The following POLK variants were observed in gnomAD, a reference collection of about 807,000 sequenced individuals.
POLK encodes DNA polymerase kappa.
Under a neutral mutation model 94.0 loss-of-function variants are expected in POLK, and 76 were observed. That is an observed-to-expected ratio of 0.81 (90% CI 0.67 to 0.98). POLK has a LOEUF of 0.98. Ranked by LOEUF, POLK falls within the 50% of genes least tolerant of loss-of-function variation. The pLI is 0.00. For missense variants in POLK, 954 were observed against 1,010.1 expected (o/e 0.94, Z 0.75); for synonymous variants, 349 against 325.4 (o/e 1.07, Z -0.78).
exon 1 of POLK, chr5:75,511,818 C>T (rs916911091): frequency 1.9e-6 from 3 of 1,551,192 alleles, no homozygotes; most frequent in Non-Finnish European, 2.6e-6. Flanking sequence ...AAGGAGAGGG[C>T]GGGGTAGGGA....
intron 2 of POLK, among the ~76,000 whole-genome samples, chr5:75,549,182 A>C (rs1770208392): frequency 6.6e-6 from 1 of 152,156 alleles, no homozygotes; most frequent in Non-Finnish European, 1.5e-5. Context: ...AAAAAGAATA[A>C]AACAAATAAA....
At chr5:75,573,626 GA>G in intron 4 of POLK, 111 bp from the exon 5 acceptor site, 1 of 895,640 alleles carries the variant, frequency 1.1e-6, no homozygotes, top group Non-Finnish European at 1.7e-6. Flanking sequence ...GCCTATAAAT[GA>G]AATGTCCTTG....
chr5:75,589,371 TTATA>T (rs1284873138), intron 10 of POLK, among the ~76,000 whole-genome samples: 37 of 127,838 alleles, frequency 2.9e-4, no homozygotes, highest in African/African-American at 1.1e-3. Context: ...TTTGCTTATT[TTATA>T]TATATACACA....
At chr5:75,550,779 T>G (rs1770298237) in intron 2 of POLK, among the ~76,000 whole-genome samples, 1 of 152,158 alleles carries the variant, frequency 6.6e-6, no homozygotes, top group East Asian at 1.9e-4. Context: ...AAAGGGCATC[T>G]ATAAAAAAGC....
exon 15 of POLK, chr5:75,598,590 A>G (rs1322043636): frequency 2.0e-5 from 3 of 152,606 alleles, no homozygotes; most frequent in South Asian, 2.1e-4. Context: ...CTTATTTAAA[A>G]TTCCATTATC....
chr5:75,608,313 C>T, the POLK span, among the ~76,000 whole-genome samples: 3 of 152,040 alleles, frequency 2.0e-5, no homozygotes. Flanking sequence ...CCCATCTCAG[C>T]TTCCCAAGTA....
intron 9 of POLK, among the ~76,000 whole-genome samples, chr5:75,586,771 G>A (rs1472732860): frequency 2.6e-5 from 4 of 152,084 alleles, no homozygotes; most frequent in Non-Finnish European, 4.4e-5. Context: ...TTTAATAGAA[G>A]CAATTTCTAA....
At chr5:75,601,632 G>T (rs181430956), downstream of POLK, among the ~76,000 whole-genome samples, 149 of 152,286 alleles carry the variant, frequency 9.8e-4, no homozygotes, top group Middle Eastern at 3.4e-3. Context: ...CTCCTGTGCT[G>T]CATGTCTTCT....
chr5:75,563,731 G>T (rs980076998), intron 3 of POLK, among the ~76,000 whole-genome samples: 13 of 152,166 alleles, frequency 8.5e-5, no homozygotes, highest in African/African-American at 2.9e-4. Flanking sequence ...TTAATCCTGA[G>T]TTCTAATTTG....
At chr5:75,593,948 C>G in exon 12 of POLK, 1 of 1,608,902 alleles carries the variant, frequency 6.2e-7, no homozygotes, top group Non-Finnish European at 8.5e-7. Flanking sequence ...ACAGTTTCAT[C>G]TGTTGTTTCT....
At chr5:75,563,666 A>G (rs1771112176) in intron 3 of POLK, among the ~76,000 whole-genome samples, 1 of 152,176 alleles carries the variant, frequency 6.6e-6, no homozygotes, top group Non-Finnish European at 1.5e-5. Context: ...TCCAGGAGTC[A>G]TTCATGAGCA....
chr5:75,584,661 G>A (rs1490753745), intron 8 of POLK, 99 bp from the exon 9 acceptor site: 1 of 684,336 alleles, frequency 1.5e-6, no homozygotes, highest in Non-Finnish European at 2.4e-6. Context: ...ACAAGAGCGA[G>A]ACTCCATCTC....
chr5:75,565,498 T>G (rs1477556436), intron 3 of POLK, among the ~76,000 whole-genome samples: 1 of 152,198 alleles, frequency 6.6e-6, no homozygotes, highest in Non-Finnish European at 1.5e-5. Flanking sequence ...TTTGCACTGT[T>G]TTTTCCTCAT....
chr5:75,579,600 C>A (rs1772095443), intron 6 of POLK, among the ~76,000 whole-genome samples: 1 of 151,706 alleles, frequency 6.6e-6, no homozygotes, highest in Non-Finnish European at 1.5e-5. Flanking sequence ...TCAGGTGATC[C>A]TCCCACCTCA....
At chr5:75,524,909 C>G (rs1033228625) in intron 1 of POLK, among the ~76,000 whole-genome samples, 2 of 152,202 alleles carry the variant, frequency 1.3e-5, no homozygotes, top group Non-Finnish European at 2.9e-5. Flanking sequence ...AATAGCTTCA[C>G]CTGACTCTCT....
At chr5:75,520,070 T>C (rs576555009) in intron 1 of POLK, among the ~76,000 whole-genome samples, 1 of 152,314 alleles carries the variant, frequency 6.6e-6, no homozygotes. Context: ...CCGTGAGGTT[T>C]ATTAAAAAGT....
At chr5:75,561,311 G>T (rs1181111395) in intron 3 of POLK, among the ~76,000 whole-genome samples, 1 of 152,110 alleles carries the variant, frequency 6.6e-6, no homozygotes, top group Non-Finnish European at 1.5e-5. Context: ...GTCTTCTTTT[G>T]AAGTGTCTCT....
chr5:75,575,883 CTT>C (rs1434772429), intron 5 of POLK, among the ~76,000 whole-genome samples: 1 of 152,096 alleles, frequency 6.6e-6, no homozygotes, highest in Non-Finnish European at 1.5e-5. Context: ...TAAATGGAAG[CTT>C]AACGTAATTC....
intron 2 of POLK, among the ~76,000 whole-genome samples, chr5:75,550,424 C>A (rs5744594): frequency 0.078 from 11,895 of 151,888 alleles, 550 homozygotes; most frequent in South Asian, 0.17. Flanking sequence ...ACTAAAAATA[C>A]AAAAATAAGC....
Sources: gnomAD v4.1 joint callset for allele counts (sites outside exome capture counted in the v4.1 genomes callset) on GRCh38, gnomAD v4.1.1 for gene constraint, MANE v1.5 for transcripts, NCBI Gene and HGNC (gene_info 2026-07-23, HGNC 2026-07-21) for gene names.